The following NELL1 variants were observed in gnomAD, a reference collection of about 807,000 sequenced individuals.
The protein encoded by NELL1 is protein kinase C-binding protein NELL1.
Under a neutral mutation model 107.4 loss-of-function variants are expected in NELL1, and 76 were observed. The observed-to-expected ratio is 0.71, with a 90% CI of 0.59 to 0.86. The LOEUF (loss-of-function observed/expected upper bound fraction) is 0.86. Ranked by LOEUF, NELL1 falls within the 40% of genes least tolerant of loss-of-function variation. The pLI, the probability that NELL1 is intolerant of heterozygous loss-of-function variation, is 0.00. For missense variants in NELL1, 1,024 were observed against 1,005.5 expected (o/e 1.02, Z -0.25); for synonymous variants, 353 against 341.2 (o/e 1.03, Z -0.38).
At chr11:20,710,682 G>A (rs1855090134) in intron 2 of NELL1, among the ~76,000 whole-genome samples, 1 of 151,644 alleles carries the variant, frequency 6.6e-6, no homozygotes, top group African/African-American at 2.4e-5. Flanking sequence ...TTTTTTGTTG[G>A]CAGTTTTTTT....
intron 13 of NELL1, among the ~76,000 whole-genome samples, chr11:21,164,366 C>G (rs895298357): frequency 6.6e-6 from 1 of 152,108 alleles, no homozygotes; most frequent in African/African-American, 2.4e-5. Context: ...TAGTGGAATA[C>G]CAGGACAACT....
intron 15 of NELL1, among the ~76,000 whole-genome samples, chr11:21,377,013 T>A (rs1851496816): frequency 6.6e-6 from 1 of 152,090 alleles, no homozygotes; most frequent in Admixed American, 6.6e-5. Context: ...GACTTCTTCT[T>A]TTCCTAATAG....
At chr11:21,328,843 C>T (rs752795005) in intron 14 of NELL1, among the ~76,000 whole-genome samples, 3 of 152,154 alleles carry the variant, frequency 2.0e-5, no homozygotes, top group Non-Finnish European at 4.4e-5. Flanking sequence ...TTGCATGAGG[C>T]CTGTAGCCCC....
chr11:21,274,545 G>A (rs188561826), intron 14 of NELL1, among the ~76,000 whole-genome samples: 48 of 152,150 alleles, frequency 3.2e-4, no homozygotes, highest in Admixed American at 7.9e-4. Context: ...TGCACCAAGC[G>A]GACCTAATAG....
Position 20,704,834 on chromosome 11 carries a change from T to C in NELL1, c.184+26774T>C, listed in dbSNP as rs557204441. ...AGAATGTCAAGATACAAAATCAATA[T>C]GCAAAAATTCACAGACATTCTTATA... is the stretch of plus-strand genomic sequence containing the variant. On this transcript the variant is annotated intron_variant, in intron 2 of 19. Transcript: ENST00000357134. Among the ~76,000 whole-genome samples, 9 of 152,300 alleles carry C rather than the reference T, an allele frequency of 5.9e-5. No homozygotes were observed. The East Asian group carries it at 7.7e-4, about 13-fold the overall frequency.
At chr11:21,074,889 C>T (rs890057934) in intron 12 of NELL1, among the ~76,000 whole-genome samples, 7 of 152,158 alleles carry the variant, frequency 4.6e-5, no homozygotes, top group East Asian at 1.9e-4. Flanking sequence ...GAAGTCTGTA[C>T]GGATGTGTGA....
At chr11:21,369,965 A>G (rs574640548) in intron 14 of NELL1, among the ~76,000 whole-genome samples, 2 of 152,260 alleles carry the variant, frequency 1.3e-5, no homozygotes, top group East Asian at 1.9e-4. Context: ...TGAGGCTACA[A>G]TACAGTGGTG....
intron 12 of NELL1, among the ~76,000 whole-genome samples, chr11:21,073,825 C>T (rs1021813092): frequency 9.2e-5 from 14 of 151,970 alleles, no homozygotes; most frequent in Admixed American, 3.3e-4. Flanking sequence ...CCAATTAATT[C>T]GAGTGCTATA....
rs565547912 is a variant in NELL1 at position 20,804,734 on chromosome 11, TGAG to T, written c.335+20908_335+20910del. Among the ~76,000 whole-genome samples, 102 of 152,340 alleles carry T rather than the reference TGAG, an allele frequency of 6.7e-4. No homozygotes were observed. The South Asian group carries it at 0.021, about 31-fold the overall frequency. On this transcript the variant is annotated intron_variant, in intron 3 of 19. Transcript: ENST00000357134. The stretch of plus-strand genomic sequence containing the variant: ...CTACCCTTAAGAATTATCCATGTGC[TGAG>T]GAGAAGCATATGTATTCTGCAGCCT...
chr11:21,469,053 CAAG>C (rs1333341513), intron 15 of NELL1, among the ~76,000 whole-genome samples: 18 of 151,694 alleles, frequency 1.2e-4, no homozygotes, highest in African/African-American at 3.9e-4. Context: ...CATCCATGAG[CAAG>C]AAGAACAGAC....
intron 13 of NELL1, among the ~76,000 whole-genome samples, chr11:21,223,147 C>T (rs1010579503): frequency 6.6e-6 from 1 of 151,944 alleles, no homozygotes; most frequent in African/African-American, 2.4e-5. Context: ...GTTCAAGCCC[C>T]CTATCATTAT....
At chr11:21,229,205 C>T (rs1295821780) in intron 13 of NELL1, 127 bp from the exon 14 acceptor site, 1 of 994,176 alleles carries the variant, frequency 1.0e-6, no homozygotes, top group Non-Finnish European at 1.5e-6. Context: ...CTTTTAGGCG[C>T]ATAGTAAGGT....
chr11:21,410,193 T>C (rs1008837418), intron 15 of NELL1, among the ~76,000 whole-genome samples: 12 of 152,098 alleles, frequency 7.9e-5, no homozygotes, highest in Non-Finnish European at 1.2e-4. Flanking sequence ...TGTTCCATCA[T>C]GTAGACACAA....
At chr11:21,225,442 T>A (rs117648156) in intron 13 of NELL1, among the ~76,000 whole-genome samples, 390 of 152,206 alleles carry the variant, frequency 2.6e-3, no homozygotes, top group East Asian at 0.018. Flanking sequence ...ACAATGGGAG[T>A]TCCTCTTGGC....
intron 11 of NELL1, among the ~76,000 whole-genome samples, chr11:20,956,664 T>A (rs1212246884): frequency 6.7e-6 from 1 of 148,214 alleles, no homozygotes; most frequent in East Asian, 2.0e-4. Flanking sequence ...AAAAAAAAAA[T>A]TACTAATCTC....
Position 21,210,318 on chromosome 11 carries a change from A to G in NELL1, c.1427-19014A>G, listed in dbSNP as rs771790662. ...TTGAGGAACTGCCAAACTAATTTCC[A>G]TAGAGACAGAAATATTTTACACTTC... On this transcript the variant is annotated intron_variant, in intron 13 of 19. Coordinates refer to ENST00000357134, the MANE Select transcript of NELL1 (RefSeq NM_006157.5). 5.3e-5 allele frequency among the ~76,000 whole-genome samples: 8 copies of G among 152,126 alleles called. No individual in the cohort carries two copies. The East Asian group carries it at 1.3e-3, about 26-fold the overall frequency.
At chr11:20,690,992 C>T (rs1854450473) in intron 2 of NELL1, among the ~76,000 whole-genome samples, 3 of 151,958 alleles carry the variant, frequency 2.0e-5, no homozygotes, top group Admixed American at 1.3e-4. Flanking sequence ...TTGAAGAGGT[C>T]CTTCACGTCC....
chr11:21,516,809 A>AT (rs367937806), intron 15 of NELL1, among the ~76,000 whole-genome samples: 3,550 of 145,272 alleles, frequency 0.024, 74 homozygotes, highest in East Asian at 0.072. Flanking sequence ...TGGCATTGGT[A>AT]TTTTTTTTTT....
chr11:21,109,280 C>T (rs767481710), intron 12 of NELL1, among the ~76,000 whole-genome samples: 5 of 152,042 alleles, frequency 3.3e-5, no homozygotes, highest in African/African-American at 4.8e-5. Context: ...TTATAAGGTA[C>T]GTACTATTAG....
Sources: allele counts gnomAD v4.1 joint callset (sites outside exome capture counted in the v4.1 genomes callset), GRCh38; gene constraint gnomAD v4.1.1; transcripts MANE v1.5; gene names NCBI Gene and HGNC (gene_info 2026-07-23, HGNC 2026-07-21).